SMAP2: variants seen among roughly 807,000 people sequenced by gnomAD.
The protein encoded by SMAP2 is small ArfGAP2.
Under a neutral mutation model 56.4 loss-of-function variants are expected in SMAP2, and 25 were observed. The observed-to-expected ratio is 0.44, with a 90% confidence interval of 0.32 to 0.62. The LOEUF (loss-of-function observed/expected upper bound fraction) is 0.62. Ranked by LOEUF, SMAP2 falls within the 20% of genes least tolerant of loss-of-function variation. The pLI is 0.04. For synonymous variants in SMAP2, 157 were observed against 181.7 expected (o/e 0.86, Z 1.09); for missense variants, 388 against 545.6 (o/e 0.71, Z 2.88).
Position 40,374,620 on chromosome 1 carries a change from T to TGAGAGAGA in SMAP2, c.103+398_103+399insAGAGAGAG. The stretch of plus-strand genomic sequence containing the variant: ...GCGTGTGTGTGTGTGTGTGTGTGTG[T>TGAGAGAGA]GTGTGAGAGAGAGAGAGAGAGAATG... On this transcript the variant is annotated intron_variant, in intron 1 of 9. Transcript: ENST00000372718. This position sits in a 1 kb window ranked among gnomAD's most constrained non-coding sequence, Gnocchi z 5.9. The TGAGAGAGA allele has an allele frequency of 7.5e-7, 1 of 1,340,742 alleles. No homozygotes were observed. The highest frequency in any genetic ancestry group is 1.4e-5 in the South Asian group (1 of 71,918). 83.1% of individuals were successfully genotyped at this position (1,340,742 alleles called of 1,614,324 possible).
chr1:40,392,423 A>G (rs1193394895), intron 1 of SMAP2, among the ~76,000 whole-genome samples: 1 of 152,186 alleles, frequency 6.6e-6, no homozygotes, highest in Non-Finnish European at 1.5e-5. Context: ...TTGCTGGAGT[A>G]ATTACCCACA....
chr1:40,366,062 C>A (rs991091510), intron 2 of SMAP2, among the ~76,000 whole-genome samples: 20 of 149,418 alleles, frequency 1.3e-4, no homozygotes, highest in Non-Finnish European at 3.0e-4. Flanking sequence ...AATGCAGAAG[C>A]CTCAGGAGCC....
chr1:40,414,934 A>T (rs1226253605), intron 6 of SMAP2, among the ~76,000 whole-genome samples: 1 of 152,086 alleles, frequency 6.6e-6, no homozygotes, highest in Non-Finnish European at 1.5e-5. Context: ...TAATTTCTGT[A>T]CCTTTCCTTG....
chr1:40,405,266 ATTGT>A (rs1343808350), intron 1 of SMAP2, among the ~76,000 whole-genome samples: 1 of 152,122 alleles, frequency 6.6e-6, no homozygotes, highest in Non-Finnish European at 1.5e-5. Flanking sequence ...AAGTGGGAGA[ATTGT>A]TTGAGGACAG....
Position 40,348,520 on chromosome 1 carries a change from C to A in SMAP2, c.-83+3610C>A, listed in dbSNP as rs112685346. On this transcript the variant is annotated intron_variant, in intron 1 of 6. Coordinates refer to the SMAP2 transcript ENST00000435168. ...GACCAGCCTGGCCAACACGGTGAAGCCCTGCCTTCACTAAAAATACAAAAA... is the reference window on the plus strand; with the variant it reads ...GACCAGCCTGGCCAACACGGTGAAGACCTGCCTTCACTAAAAATACAAAAA... Among the ~76,000 whole-genome samples, 13 of 152,094 alleles carry A rather than the reference C, an allele frequency of 8.5e-5. 1 individual carries two copies. Among genetic ancestry groups the A allele is most frequent in the African/African-American group, 3.1e-4 (13 of 41,514 alleles).
chr1:40,382,749 C>T (rs181408854), intron 1 of SMAP2, among the ~76,000 whole-genome samples: 1 of 152,320 alleles, frequency 6.6e-6, no homozygotes, highest in Non-Finnish European at 1.5e-5. Flanking sequence ...CCACACTTTA[C>T]ACATCCCTAG....
chr1:40,385,498 C>T lies in SMAP2; in HGVS notation c.103+11275C>T, dbSNP rs1182407979. On this transcript the variant is annotated intron_variant, in intron 1 of 9. Coordinates refer to ENST00000372718, the MANE Select transcript of SMAP2 (RefSeq NM_022733.3). This position sits in a 1 kb window ranked among gnomAD's most constrained non-coding sequence, Gnocchi z 4.5. Reference sequence around the variant, plus strand: ...ACAATGAGAACTGGGTTCCTCAGGCCTCATGTCATTTCCCCTCACCCACAA... The same window carrying T: ...ACAATGAGAACTGGGTTCCTCAGGCTTCATGTCATTTCCCCTCACCCACAA... Among the ~76,000 whole-genome samples, 1 of 152,138 alleles carries T rather than the reference C, an allele frequency of 6.6e-6. No homozygotes were observed. The highest frequency in any genetic ancestry group is 1.5e-5 in the Non-Finnish European group (1 of 68,022).
At position 40,374,612 on chromosome 1, in the gene SMAP2, T is replaced by C. The variant is rs1451813872; in HGVS notation, c.103+389T>C. ...GCGTGCGTGCGTGTGTGTGTGTGTGTGTGTGTGTGTGTGAGAGAGAGAGAG... is the reference window on the plus strand; with the variant it reads ...GCGTGCGTGCGTGTGTGTGTGTGTGCGTGTGTGTGTGTGAGAGAGAGAGAG... On this transcript the variant is annotated intron_variant, in intron 1 of 9. Transcript: ENST00000372718. This position sits in a 1 kb window ranked among gnomAD's most constrained non-coding sequence, Gnocchi z 5.9. The C allele has an allele frequency of 4.3e-6, 6 of 1,402,660 alleles. No homozygotes were observed. The highest frequency in any genetic ancestry group is 5.9e-6 in the Non-Finnish European group (6 of 1,015,318). 86.9% of individuals were successfully genotyped at this position (1,402,660 alleles called of 1,614,324 possible). A position where few individuals can be genotyped will look rare whatever the true frequency, so the allele number is the denominator to read the frequency against.
At chr1:40,347,218 G>GTT (rs1644390023) in intron 1 of SMAP2, among the ~76,000 whole-genome samples, 1 of 142,842 alleles carries the variant, frequency 7.0e-6, no homozygotes, top group Non-Finnish European at 1.5e-5. Context: ...ATTTGTGTGT[G>GTT]TGTGTGTGTT....
At chr1:40,411,335 T>C (rs769597243) in intron 4 of SMAP2, among the ~76,000 whole-genome samples, 12 of 152,230 alleles carry the variant, frequency 7.9e-5, no homozygotes, top group Non-Finnish European at 7.3e-5. Flanking sequence ...TGTAGAAAAC[T>C]GTGGTCTGTC....
Position 40,416,799 on chromosome 1 carries a change from T to A in SMAP2, c.867T>A (p.Ala289=). 1 of 1,603,712 alleles carries A rather than the reference T, an allele frequency of 6.2e-7. No homozygotes were observed. Among genetic ancestry groups the A allele is most frequent in the Non-Finnish European group, 8.5e-7 (1 of 1,171,302 alleles). Reference sequence around the variant, plus strand: ...TGGCAGCAATGTTCATGGCTCCCGCTCAGATGGCATATCCCACAGCCTACC... The same window carrying A: ...TGGCAGCAATGTTCATGGCTCCCGCACAGATGGCATATCCCACAGCCTACC... ...MPTQAMFMAP[A]QMAYPTAYPS... is the part of the protein sequence containing the mutation. Residue 289 remains alanine (A), a synonymous_variant, in exon 9 of 10, where the codon GCT becomes GCA. Transcript: ENST00000372718.
chr1:40,404,763 A>G (rs932266885), intron 1 of SMAP2, among the ~76,000 whole-genome samples: 11 of 152,162 alleles, frequency 7.2e-5, no homozygotes, highest in Admixed American at 6.5e-5. Context: ...TTCCTTTATG[A>G]AAACTGTAAC....
chr1:40,386,354 G>A lies in SMAP2; in HGVS notation c.103+12131G>A, dbSNP rs990777283. 8.5e-5 allele frequency among the ~76,000 whole-genome samples: 13 copies of A among 152,206 alleles called. No individual in the cohort carries two copies. The highest frequency in any genetic ancestry group is 3.1e-4 in the African/African-American group (13 of 41,450). On this transcript the variant is annotated intron_variant, in intron 1 of 9. Coordinates refer to ENST00000372718, the MANE Select transcript of SMAP2 (RefSeq NM_022733.3). The surrounding 1 kb of genome is among the most constrained non-coding windows in gnomAD (Gnocchi z 4.1). ...CATGAAGAGTTCGGTTAGAGGAACC[G>A]TTACAGATGGAGGAGAAACTTGAGG...
At chr1:40,392,014 C>T (rs1189590503) in intron 1 of SMAP2, among the ~76,000 whole-genome samples, 2 of 152,172 alleles carry the variant, frequency 1.3e-5, no homozygotes, top group African/African-American at 2.4e-5. Context: ...ACCTGGCTGA[C>T]TTTGAAATGA....
chr1:40,345,210 C>A (rs1404500852), intron 1 of SMAP2, among the ~76,000 whole-genome samples: 1 of 151,914 alleles, frequency 6.6e-6, no homozygotes, highest in Admixed American at 6.6e-5. Context: ...TTGACACCAG[C>A]CTGGGCAACA....
intron 1 of SMAP2, among the ~76,000 whole-genome samples, chr1:40,355,821 G>T (rs1644432877): frequency 6.6e-6 from 1 of 151,874 alleles, no homozygotes; most frequent in African/African-American, 2.4e-5. Context: ...TGTTGCCAAG[G>T]TTGCTGTGGA....
intron 1 of SMAP2, among the ~76,000 whole-genome samples, chr1:40,357,361 A>G (rs1008356754): frequency 6.6e-6 from 1 of 152,150 alleles, no homozygotes; most frequent in Admixed American, 6.6e-5. Context: ...AGGCTGAGGC[A>G]GGAGAATTCC....
At chr1:40,387,581 G>C (rs1479392396) in intron 1 of SMAP2, among the ~76,000 whole-genome samples, 1 of 151,340 alleles carries the variant, frequency 6.6e-6, no homozygotes, top group Non-Finnish European at 1.5e-5. Context: ...GGAGAACCCT[G>C]GTTTCCCCAT....
At chr1:40,380,642 GC>G (rs1237051681) in intron 1 of SMAP2, among the ~76,000 whole-genome samples, 1 of 150,776 alleles carries the variant, frequency 6.6e-6, no homozygotes, top group Non-Finnish European at 1.5e-5. Context: ...CCATTCTCCT[GC>G]CTCAGCCTCC....
Sources: allele counts gnomAD v4.1 joint callset (sites outside exome capture counted in the v4.1 genomes callset), GRCh38; gene constraint gnomAD v4.1.1; non-coding constraint Gnocchi (gnomAD v3.1); transcripts MANE v1.5; gene names NCBI Gene and HGNC (gene_info 2026-07-23, HGNC 2026-07-21).